SLC35B3: variants seen among roughly 807,000 people sequenced by gnomAD.
SLC35B3 encodes adenosine 3'-phospho 5'-phosphosulfate transporter 2.
SLC35B3 carries 35 observed loss-of-function variants against 44.1 expected under a neutral mutation model. That is an observed-to-expected ratio of 0.79 (90% confidence interval 0.61 to 1.05). SLC35B3 has a LOEUF of 1.05. Among genes scored for constraint, SLC35B3 ranks in the 50% least tolerant of loss-of-function variants. The pLI is 0.00. For missense variants in SLC35B3, 414 were observed against 476.4 expected (o/e 0.87, Z 1.22); for synonymous variants, 146 against 167.3 (o/e 0.87, Z 0.98).
chr6:8,420,793 T>TG lies in SLC35B3; in HGVS notation c.609dup (p.Ile204HisfsTer14), dbSNP rs1561751483. The TG allele has an allele frequency of 6.2e-7, 1 of 1,612,918 alleles. No homozygotes were observed. Among genetic ancestry groups the TG allele is most frequent in the Non-Finnish European group, 8.5e-7 (1 of 1,179,112 alleles). ...CATATCAGGCCAAGGCTCATACATA[T>TG]GGCAGCAGACACATCTGCAACATTA... On this transcript the variant is annotated frameshift_variant, in exon 6 of 11. Transcript: ENST00000644923. LOFTEE classifies it high-confidence loss of function. The surrounding 1 kb of genome is among the most constrained non-coding windows in gnomAD (Gnocchi z 4.4).
rs2184581 is a variant in SLC35B3 at position 8,433,347 on chromosome 6, G to T, written c.3+1038C>A. ...ATACATATTTTTCAAATTCCTAAAT[G>T]ATAATGGTATAGCTTTTTCGTTTTT... is the stretch of plus-strand genomic sequence containing the variant. On this transcript the variant is annotated intron_variant, in intron 2 of 10. Coordinates refer to ENST00000644923, the MANE Select transcript of SLC35B3 (RefSeq NM_001370476.2). The surrounding 1 kb of genome is among the most constrained non-coding windows in gnomAD (Gnocchi z 4.1). 0.5 allele frequency among the ~76,000 whole-genome samples: 75,834 copies of T among 151,974 alleles called. 19,848 individuals are homozygous for T. The highest frequency in any genetic ancestry group is 0.67 in the African/African-American group (27,944 of 41,440).
chr6:8,416,948 T>C lies in SLC35B3; in HGVS notation c.921A>G (p.Gly307=), dbSNP rs765289375. Residue 307 remains glycine, a synonymous_variant, in exon 9 of 11, where the codon GGA becomes GGG. Transcript: ENST00000644923. ...CCAGAACAAAGGAGATTCCAAAATATCCAGTGAGGGAAAAAAGGAACGCAT... is the reference window on the plus strand; with the variant it reads ...CCAGAACAAAGGAGATTCCAAAATACCCAGTGAGGGAAAAAAGGAACGCAT... The C allele has an allele frequency of 1.1e-5, 18 of 1,606,224 alleles. No homozygotes were observed. In the South Asian group the frequency reaches 2.0e-4, roughly 18 times the overall value.
Position 8,420,042 on chromosome 6 carries a change from TAA to T in SLC35B3, c.683-367_683-366del, listed in dbSNP as rs770082309. Among the ~76,000 whole-genome samples, 3 of 137,830 alleles carry T rather than the reference TAA, an allele frequency of 2.2e-5. No individual in the cohort carries two copies. Among genetic ancestry groups the T allele is most frequent in the African/African-American group, 2.7e-5 (1 of 37,520 alleles). 90.4% of individuals were successfully genotyped at this position (137,830 alleles called of 152,430 possible). A position where few individuals can be genotyped will look rare whatever the true frequency, so the allele number is the denominator to read the frequency against. ...TGGGATTGGTGGCTATTCAGTTAAT[TAA>T]AAAAAAAAAAAACAGATGAAGAGAA... On this transcript the variant is annotated intron_variant, in intron 6 of 10. Transcript: ENST00000644923. This position sits in a 1 kb window ranked among gnomAD's most constrained non-coding sequence, Gnocchi z 4.4.
Position 8,435,233 on chromosome 6 carries a change from C to G in SLC35B3, c.-44+110G>C. On this transcript the variant is annotated intron_variant, in intron 1 of 10. Coordinates refer to ENST00000644923, the MANE Select transcript of SLC35B3 (RefSeq NM_001370476.2). This position sits in a 1 kb window ranked among gnomAD's most constrained non-coding sequence, Gnocchi z 5.5. The stretch of plus-strand genomic sequence containing the variant: ...CCCGTTTCTTCCATCCCGACCTCAT[C>G]CATTCCTCGAACGCTCCTTCTGGAT... 1 of 1,289,348 alleles carries G rather than the reference C, an allele frequency of 7.8e-7. No individual in the cohort carries two copies. Among genetic ancestry groups the G allele is most frequent in the South Asian group, 1.2e-5 (1 of 81,014 alleles). 79.9% of individuals were successfully genotyped at this position (1,289,348 alleles called of 1,614,324 possible).
At position 8,417,466 on chromosome 6, in the gene SLC35B3, A is replaced by G; in HGVS notation, c.809T>C (p.Val270Ala). The change falls in exon 8 of 11, where the codon GTA becomes GCA. Residue 270 changes from valine to alanine, a missense_variant. Coordinates refer to ENST00000644923, the MANE Select transcript of SLC35B3 (RefSeq NM_001370476.2). ...GCATGTCAATCCCAGTAAAATGTAT[A>G]CAAAACCAATTGAATACGAATACAA... is the stretch of plus-strand genomic sequence containing the variant. 6.2e-7 allele frequency: 1 copy of G among 1,601,848 alleles called. No homozygotes were observed. The highest frequency in any genetic ancestry group is 8.5e-7 in the Non-Finnish European group (1 of 1,174,236).
At position 8,434,376 on chromosome 6, in the gene SLC35B3, G is replaced by T. The variant is rs757477492; in HGVS notation, c.3+9C>A. 6.0e-5 allele frequency: 96 copies of T among 1,611,778 alleles called. No individual in the cohort carries two copies. Among genetic ancestry groups the T allele is most frequent in the Non-Finnish European group, 8.0e-5 (94 of 1,178,542 alleles). On this transcript the variant is annotated intron_variant, in intron 2 of 10. Coordinates refer to ENST00000644923, the MANE Select transcript of SLC35B3 (RefSeq NM_001370476.2). The surrounding 1 kb of genome is among the most constrained non-coding windows in gnomAD (Gnocchi z 6.3). ...GCCACACTCAACGTTACAAATAAAA[G>T]AATCTTACCATGCCATTATGCCTTG...
At position 8,434,494 on chromosome 6, in the gene SLC35B3, A is replaced by G. The variant is rs1035851178; in HGVS notation, c.-43-64T>C. The G allele has an allele frequency of 7.1e-7, 1 of 1,403,970 alleles. No homozygotes were observed. 87.0% of individuals were successfully genotyped at this position (1,403,970 alleles called of 1,614,324 possible). ...CATCTCATTTCTTTGTACACACATC[A>G]TTACACAAAGGTGGAGAAACCCTGT... On this transcript the variant is annotated intron_variant, in intron 1 of 10. Coordinates refer to ENST00000644923, the MANE Select transcript of SLC35B3 (RefSeq NM_001370476.2). The surrounding 1 kb of genome is among the most constrained non-coding windows in gnomAD (Gnocchi z 6.3).
chr6:8,412,678 C>T lies in SLC35B3; in HGVS notation c.*871G>A, dbSNP rs4960404. Among the ~76,000 whole-genome samples, 19,580 of 152,150 alleles carry T rather than the reference C, an allele frequency of 0.13. 1,398 individuals carry two copies. Among genetic ancestry groups the T allele is most frequent in the South Asian group, 0.16 (784 of 4,820 alleles). ...TCGTGGAAGACAATTTTTCCATGGA[C>T]TGGGACAGGGGATGGTTTCAGGATA... On this transcript the variant is annotated 3_prime_UTR_variant, in exon 11 of 11. Coordinates refer to ENST00000644923, the MANE Select transcript of SLC35B3 (RefSeq NM_001370476.2).
intron 5 of SLC35B3, among the ~76,000 whole-genome samples, chr6:8,421,527 A>G (rs1467975355): frequency 2.0e-5 from 3 of 152,210 alleles, no homozygotes; most frequent in Non-Finnish European, 4.4e-5. Context: ...TGCATAAATG[A>G]TATCAGGCTG....
Position 8,432,649 on chromosome 6 carries a change from G to C in SLC35B3, c.3+1736C>G, listed in dbSNP as rs773311220. On this transcript the variant is annotated intron_variant, in intron 2 of 10. Coordinates refer to ENST00000644923, the MANE Select transcript of SLC35B3 (RefSeq NM_001370476.2). This position sits in a 1 kb window ranked among gnomAD's most constrained non-coding sequence, Gnocchi z 4.8. ...AGCTTTAGGTTCTGCACCTTCAAAAGTGGGAGGAGTTAAAAATGTGCCTAT... is the reference window on the plus strand; with the variant it reads ...AGCTTTAGGTTCTGCACCTTCAAAACTGGGAGGAGTTAAAAATGTGCCTAT... 2.6e-5 allele frequency among the ~76,000 whole-genome samples: 4 copies of C among 152,180 alleles called. No individual in the cohort carries two copies. Among genetic ancestry groups the C allele is most frequent in the Non-Finnish European group, 5.9e-5 (4 of 68,032 alleles).
At chr6:8,413,782 A>G (rs575964447) in intron 10 of SLC35B3, 83 bp from the exon 10 acceptor site, 225 of 818,726 alleles carry the variant, frequency 2.7e-4, no homozygotes, top group Admixed American at 1.5e-3. Flanking sequence ...TAATATGTCC[A>G]TAATAATTCT....
intron 2 of SLC35B3, among the ~76,000 whole-genome samples, chr6:8,431,426 T>G (rs1169989469): frequency 6.6e-6 from 1 of 152,154 alleles, no homozygotes; most frequent in Non-Finnish European, 1.5e-5. Context: ...CACTTCTAGT[T>G]TGCTAATTTA....
chr6:8,423,709 A>T (rs1763150595), intron 4 of SLC35B3, among the ~76,000 whole-genome samples: 1 of 152,228 alleles, frequency 6.6e-6, no homozygotes, highest in Non-Finnish European at 1.5e-5. Context: ...GTTAGATATA[A>T]GGTAAAATAA....
chr6:8,421,786 GA>G (rs1179763897), intron 5 of SLC35B3, among the ~76,000 whole-genome samples: 1 of 152,194 alleles, frequency 6.6e-6, no homozygotes, highest in East Asian at 1.9e-4. Flanking sequence ...ATGCACAATG[GA>G]AGTGAAGGGT....
rs1323105469 is a variant in SLC35B3 at position 8,412,805 on chromosome 6, C to A, written c.*744G>T. Reference sequence around the variant, plus strand: ...TATGCGGTTCATAACAGGGTTCCCGCTGCTATGAGAATCTAACGCTGCTGC... The same window carrying A: ...TATGCGGTTCATAACAGGGTTCCCGATGCTATGAGAATCTAACGCTGCTGC... On this transcript the variant is annotated 3_prime_UTR_variant, in exon 11 of 11. Coordinates refer to ENST00000644923, the MANE Select transcript of SLC35B3 (RefSeq NM_001370476.2). 6.6e-6 allele frequency among the ~76,000 whole-genome samples: 1 copy of A among 152,160 alleles called. No homozygotes were observed. The highest frequency in any genetic ancestry group is 1.5e-5 in the Non-Finnish European group (1 of 68,032).
chr6:8,430,202 T>A (rs377128699), intron 2 of SLC35B3, 45 bp from the exon 2 acceptor site: 3 of 1,448,750 alleles, frequency 2.1e-6, no homozygotes. Context: ...TGATAAAGTT[T>A]AATCCTCCAA....
chr6:8,424,763 T>C (rs1763261173), intron 4 of SLC35B3, among the ~76,000 whole-genome samples: 1 of 152,226 alleles, frequency 6.6e-6, no homozygotes, highest in Non-Finnish European at 1.5e-5. Context: ...TAGAGTATTA[T>C]AGAAACTTCT....
chr6:8,416,542 A>C (rs1457457718), intron 9 of SLC35B3, among the ~76,000 whole-genome samples: 1 of 152,192 alleles, frequency 6.6e-6, no homozygotes, highest in Non-Finnish European at 1.5e-5. Flanking sequence ...AACAAAACTG[A>C]AAGTTTCAGT....
intron 8 of SLC35B3, 135 bp from the exon 8 acceptor site, chr6:8,417,130 A>G: frequency 1.7e-6 from 1 of 575,864 alleles, no homozygotes; most frequent in Non-Finnish European, 3.0e-6. Context: ...AAAGATTCTT[A>G]TTTTGATTTA....
Sources: allele counts gnomAD v4.1 joint callset (sites outside exome capture counted in the v4.1 genomes callset), GRCh38; gene constraint gnomAD v4.1.1; non-coding constraint Gnocchi (gnomAD v3.1); transcripts MANE v1.5; gene names NCBI Gene and HGNC (gene_info 2026-07-23, HGNC 2026-07-21).